The following ADCY10 variants were observed in gnomAD, a reference collection of about 807,000 sequenced individuals.
ADCY10 encodes the protein adenylate cyclase type 10.
A neutral mutation model predicts 183.3 loss-of-function variants in ADCY10; 156 were observed. That is an observed-to-expected ratio of 0.85 (90% confidence interval 0.75 to 0.97). The LOEUF (loss-of-function observed/expected upper bound fraction) is 0.97. Ranked by LOEUF, ADCY10 falls within the 50% of genes least tolerant of loss-of-function variation. ADCY10 has a pLI of 0.00. For synonymous variants in ADCY10, 645 were observed against 670.0 expected, an observed-to-expected ratio of 0.96 and a Z score of 0.58; for missense variants, 1,745 against 1,934.3, an observed-to-expected ratio of 0.90 and a Z score of 1.84.
chr1:167,868,231 T>C lies in ADCY10; in HGVS notation c.1616+2026A>G, dbSNP rs149863788. ...TAAATGTCACCTCATGTTACGTTTG[T>C]GGAGAAACTGTAATAAGAGATCAAT... On this transcript the variant is annotated intron_variant, in intron 14 of 32. Coordinates refer to ENST00000367851, the MANE Select transcript of ADCY10 (RefSeq NM_018417.6). Among the ~76,000 whole-genome samples, 259 of 152,198 alleles carry C rather than the reference T, an allele frequency of 1.7e-3. 7 individuals carry two copies. The East Asian group carries it at 0.043, about 25-fold the overall frequency.
Position 167,902,190 on chromosome 1 carries a change from T to C in ADCY10, c.254-136A>G, listed in dbSNP as rs1571456938. 4 of 901,860 alleles carry C rather than the reference T, an allele frequency of 4.4e-6. No individual in the cohort carries two copies. In the East Asian group the frequency reaches 7.4e-5, roughly 17 times the overall value. 55.9% of individuals were successfully genotyped at this position (901,860 alleles called of 1,614,324 possible). A position where few individuals can be genotyped will look rare whatever the true frequency, so the allele number is the denominator to read the frequency against. ...GAATAGGCTTATACTAAAGATCTCA[T>C]CCCAGACAAGCCACTTAACCCATTT... On this transcript the variant is annotated intron_variant, in intron 3 of 32. Coordinates refer to ENST00000367851, the MANE Select transcript of ADCY10 (RefSeq NM_018417.6).
chr1:167,858,696 G>A (rs1666080452), intron 16 of ADCY10, among the ~76,000 whole-genome samples: 1 of 152,102 alleles, frequency 6.6e-6, no homozygotes, highest in Non-Finnish European at 1.5e-5. Context: ...TCACCAAAGA[G>A]GTGACATTGA....
Position 167,883,430 on chromosome 1 carries a change from C to T in ADCY10, c.1020+7G>A, listed in dbSNP as rs1177243843. On this transcript the variant is annotated splice_region_variant and intron_variant, in intron 9 of 32. Coordinates refer to ENST00000367851, the MANE Select transcript of ADCY10 (RefSeq NM_018417.6). ...TGGTAGGTTCCCATCCCATAGTTCA[C>T]ACTTACCTTGTCAAACATGAAGACT... 3.1e-6 allele frequency: 5 copies of T among 1,614,178 alleles called. No individual in the cohort carries two copies. The highest frequency in any genetic ancestry group is 4.2e-6 in the Non-Finnish European group (5 of 1,180,008).
chr1:167,866,077 G>A (rs1666657992), intron 14 of ADCY10, among the ~76,000 whole-genome samples: 1 of 152,176 alleles, frequency 6.6e-6, no homozygotes, highest in Non-Finnish European at 1.5e-5. Flanking sequence ...ATTTTCAAGA[G>A]CTTATCAATC....
chr1:167,813,532 A>G (rs1662346493), intron 31 of ADCY10, among the ~76,000 whole-genome samples: 1 of 152,206 alleles, frequency 6.6e-6, no homozygotes, highest in Non-Finnish European at 1.5e-5. Flanking sequence ...AAGAAAAGAA[A>G]GAAAGACAAG....
At chr1:167,880,251 G>T in intron 10 of ADCY10, 60 bp from the exon 11 acceptor site, 1 of 1,402,472 alleles carries the variant, frequency 7.1e-7, no homozygotes, top group African/African-American at 1.4e-5. Flanking sequence ...CGTAGAGAAA[G>T]TGGGAAGGGT....
intron 18 of ADCY10, 135 bp downstream of exon 18, chr1:167,854,218 T>C: frequency 9.2e-7 from 1 of 1,085,932 alleles, no homozygotes. Context: ...TCGGATCCAA[T>C]AATTCCTGGC....
intron 31 of ADCY10, among the ~76,000 whole-genome samples, chr1:167,813,918 GT>G (rs1161966902): frequency 3.3e-5 from 5 of 152,076 alleles, no homozygotes; most frequent in African/African-American, 9.7e-5. Flanking sequence ...CATTACTGAA[GT>G]TAACTTTAGG....
chr1:167,824,380 C>CTAGGA (rs1663121553), intron 28 of ADCY10, 96 bp downstream of exon 28: 6 of 1,012,750 alleles, frequency 5.9e-6, no homozygotes, highest in Non-Finnish European at 9.5e-6. Context: ...AACTCTACTC[C>CTAGGA]CTTCCCCACC....
Position 167,878,596 on chromosome 1 carries a change from A to T in ADCY10, c.1256T>A (p.Met419Lys), listed in dbSNP as rs767272069. 14 of 1,614,074 alleles carry T rather than the reference A, an allele frequency of 8.7e-6. No individual in the cohort carries two copies. Among genetic ancestry groups the T allele is most frequent in the Non-Finnish European group, 1.1e-5 (13 of 1,180,038 alleles). The change falls in exon 12 of 33, where the codon ATG (methionine) becomes AAG (lysine). Residue 419 changes from methionine (M) to lysine (K), a missense_variant. By Grantham distance (95) the Met-to-Lys change is moderately conservative (BLOSUM62 -1). Transcript: ENST00000367851. ...QKVNLAARMM[M>K]YYPGIVTCDS... Reference sequence around the variant, plus strand: ...GCAGGTCACAATTCCTGGGTAGTACATCATCATCCTGGCAGCTAAGTTGAC... The same window carrying T: ...GCAGGTCACAATTCCTGGGTAGTACTTCATCATCCTGGCAGCTAAGTTGAC...
chr1:167,901,920 C>CT, intron 4 of ADCY10, 96 bp downstream of exon 4: 1 of 1,605,658 alleles, frequency 6.2e-7, no homozygotes, highest in African/African-American at 1.3e-5. Flanking sequence ...CTCCTGGCCA[C>CT]TCCCTTCTCT....
At chr1:167,819,247 A>ATTTTTTTT (rs11454786) in intron 30 of ADCY10, among the ~76,000 whole-genome samples, 1 of 128,324 alleles carries the variant, frequency 7.8e-6, no homozygotes, top group African/African-American at 2.9e-5. Context: ...AGAAAATCCG[A>ATTTTTTTT]TTTTTTTTTT....
chr1:167,832,961 C>A, intron 25 of ADCY10, 26 bp downstream of exon 25: 1 of 1,610,812 alleles, frequency 6.2e-7, no homozygotes, highest in South Asian at 1.1e-5. Flanking sequence ...ACTAAACAGT[C>A]TGCTCTCCCC....
chr1:167,842,367 G>A (rs1664714699), intron 21 of ADCY10, among the ~76,000 whole-genome samples: 1 of 152,064 alleles, frequency 6.6e-6, no homozygotes, highest in Non-Finnish European at 1.5e-5. Context: ...GGCTGGTCTT[G>A]AACCAGCCCT....
intron 21 of ADCY10, among the ~76,000 whole-genome samples, chr1:167,841,646 C>T (rs1664653689): frequency 6.6e-6 from 1 of 151,856 alleles, no homozygotes; most frequent in Admixed American, 6.6e-5. Flanking sequence ...AGGCACAAGC[C>T]ATCGCACCTG....
At chr1:167,878,199 G>A (rs992972638) in intron 12 of ADCY10, among the ~76,000 whole-genome samples, 10 of 152,164 alleles carry the variant, frequency 6.6e-5, no homozygotes, top group Non-Finnish European at 1.0e-4. Flanking sequence ...TGTTTGGTTT[G>A]TACAACCTTT....
intron 8 of ADCY10, among the ~76,000 whole-genome samples, chr1:167,889,024 G>A (rs977090153): frequency 6.6e-6 from 1 of 152,108 alleles, no homozygotes; most frequent in African/African-American, 2.4e-5. Context: ...AAGATCATCT[G>A]AAAACAAGGA....
At chr1:167,894,042 C>T (rs1469174434) in intron 7 of ADCY10, 101 bp from the exon 8 acceptor site, 3 of 785,860 alleles carry the variant, frequency 3.8e-6, no homozygotes, top group East Asian at 2.7e-5. Flanking sequence ...GGCAGTGGGC[C>T]TTCTTGTCCT....
chr1:167,821,241 T>G (rs1473048473), intron 30 of ADCY10: 3 of 152,418 alleles, frequency 2.0e-5, no homozygotes, highest in Non-Finnish European at 4.4e-5. Flanking sequence ...CGTAGTAGGT[T>G]AAAGGAATTG....
Sources: allele counts gnomAD v4.1 joint callset (sites outside exome capture counted in the v4.1 genomes callset), GRCh38; gene constraint gnomAD v4.1.1; transcripts MANE v1.5; gene names NCBI Gene and HGNC (gene_info 2026-07-23, HGNC 2026-07-21).